Variants in FAM222B observed in about 807,000 individuals in gnomAD.
FAM222B encodes protein FAM222B.
FAM222B carries 12 observed loss-of-function variants against 38.0 expected under a neutral mutation model. That is an observed-to-expected ratio of 0.32 (90% CI 0.20 to 0.51). The LOEUF (loss-of-function observed/expected upper bound fraction) is 0.51. FAM222B is among the 20% of genes least tolerant of loss of function. The pLI is 0.97. For synonymous variants in FAM222B, 329 were observed against 317.2 expected, an observed-to-expected ratio of 1.04 and a Z score of -0.40; for missense variants, 716 against 754.2, an observed-to-expected ratio of 0.95 and a Z score of 0.59.
chr17:28,851,165 G>A (rs2039178618), intron 1 of FAM222B, among the ~76,000 whole-genome samples: 1 of 151,900 alleles, frequency 6.6e-6, no homozygotes, highest in African/African-American at 2.4e-5. Context: ...GCTAGGGGCA[G>A]TAACTCACAC....
intron 1 of FAM222B, among the ~76,000 whole-genome samples, chr17:28,803,016 T>A (rs1484022126): frequency 6.8e-6 from 1 of 146,230 alleles, no homozygotes; most frequent in Non-Finnish European, 1.5e-5. Flanking sequence ...TTGCTTTTTC[T>A]TTTTTTTTTT....
Position 28,758,481 on chromosome 17 carries a change from G to A in FAM222B, c.1478C>T (p.Ala493Val). The A allele has an allele frequency of 6.2e-7, 1 of 1,613,142 alleles. No homozygotes were observed. The highest frequency in any genetic ancestry group is 8.5e-7 in the Non-Finnish European group (1 of 1,179,756). Residue 493 changes from alanine to valine, a missense_variant, in exon 3 of 3, where the codon GCC (alanine) becomes GTC (valine). Ala to Val is a moderately conservative substitution (Grantham distance 64). Transcript: ENST00000581407. ...GCCCCCGGTCCCTGCTCGGTAGTGGGCCCCGGGAGCTGCCGCACAGTCGAG... is the reference window on the plus strand; with the variant it reads ...GCCCCCGGTCCCTGCTCGGTAGTGGACCCCGGGAGCTGCCGCACAGTCGAG... Reference protein sequence around the residue: ...APLDCAAAPGAHYRAGTGGGP... With the variant: ...APLDCAAAPGVHYRAGTGGGP...
At position 28,759,342 on chromosome 17, in the gene FAM222B, T is replaced by C; in HGVS notation, c.617A>G (p.Gln206Arg). The C allele has an allele frequency of 6.2e-7, 1 of 1,610,108 alleles. No homozygotes were observed. The highest frequency in any genetic ancestry group is 8.5e-7 in the Non-Finnish European group (1 of 1,178,544). ...LGHPQPMAQT[Q>R]GLVHPQALAH... The stretch of plus-strand genomic sequence containing the variant: ...CAGGGCCTGAGGGTGGACCAAGCCC[T>C]GGGTTTGGGCCATGGGCTGAGGGTG... The change falls in exon 3 of 3, where the codon CAG becomes CGG. Residue 206 changes from glutamine (Q) to arginine (R), a missense_variant. Coordinates refer to ENST00000581407, the MANE Select transcript of FAM222B (RefSeq NM_001077498.3). The surrounding 1 kb of genome is among the most constrained non-coding windows in gnomAD (Gnocchi z 4.8).
intron 1 of FAM222B, among the ~76,000 whole-genome samples, chr17:28,823,875 ATTT>A (rs367743538): frequency 5.2e-5 from 7 of 134,058 alleles, no homozygotes; most frequent in Admixed American, 7.8e-5. Context: ...CCAAAAGAGA[ATTT>A]TTTTTTTTTT....
At chr17:28,799,872 T>A (rs1040661848) in intron 1 of FAM222B, among the ~76,000 whole-genome samples, 2 of 152,044 alleles carry the variant, frequency 1.3e-5, no homozygotes, top group African/African-American at 4.8e-5. Flanking sequence ...CCTCCCAAAG[T>A]TCTAGGATTA....
chr17:28,758,435 G>A lies in FAM222B; in HGVS notation c.1524C>T (p.Asn508=). 6.2e-7 allele frequency: 1 copy of A among 1,613,962 alleles called. No homozygotes were observed. The highest frequency in any genetic ancestry group is 8.5e-7 in the Non-Finnish European group (1 of 1,179,878). The change falls in exon 3 of 3, where the codon AAC becomes AAT. Residue 508 remains asparagine, a synonymous_variant. Transcript: ENST00000581407. ...GGTAATCCACTGTTTGCATCAAGCT[G>A]TTCTGGCTTGCCACTGGACCGCCCC... ...GTGGGPVASQ[N]SLMQTVDYLS...
intron 1 of FAM222B, among the ~76,000 whole-genome samples, chr17:28,826,025 C>T (rs1345694408): frequency 6.6e-6 from 1 of 151,854 alleles, no homozygotes; most frequent in Non-Finnish European, 1.5e-5. Context: ...CTGCCCACCT[C>T]GGCCTCCCAA....
intron 1 of FAM222B, among the ~76,000 whole-genome samples, chr17:28,778,717 ATATTTTTTT>A (rs1241870126): frequency 5.5e-4 from 32 of 58,398 alleles, no homozygotes; most frequent in South Asian, 3.8e-3. Flanking sequence ...ATATATATAT[ATATTTTTTT>A]TTTTTTTTTT....
intron 1 of FAM222B, among the ~76,000 whole-genome samples, chr17:28,795,400 C>G (rs1394432153): frequency 6.6e-6 from 1 of 152,150 alleles, no homozygotes; most frequent in Non-Finnish European, 1.5e-5. Flanking sequence ...CTGCTTCGGC[C>G]TCCCAAACTG....
intron 2 of FAM222B, among the ~76,000 whole-genome samples, chr17:28,765,173 G>A (rs2035270398): frequency 6.6e-6 from 1 of 152,194 alleles, no homozygotes; most frequent in Non-Finnish European, 1.5e-5. Flanking sequence ...CCAAATTCCA[G>A]AACTAGCCAG....
chr17:28,757,872 A>C lies in FAM222B; in HGVS notation c.*398T>G. On this transcript the variant is annotated 3_prime_UTR_variant, in exon 3 of 3. Transcript: ENST00000581407. ...GAGGGGAAGGGGGGTAGCAACAGGT[A>C]GAGGTCTGGATTAGGGGCCTGAGCA... 1 of 162,720 alleles carries C rather than the reference A, an allele frequency of 6.1e-6. No homozygotes were observed. Among genetic ancestry groups the C allele is most frequent in the East Asian group, 1.8e-4 (1 of 5,548 alleles). The allele number at this position is 162,720 out of a possible 1,614,324, so 10.1% of individuals were successfully genotyped here.
At chr17:28,850,759 T>C (rs965298977) in intron 1 of FAM222B, among the ~76,000 whole-genome samples, 1 of 152,172 alleles carries the variant, frequency 6.6e-6, no homozygotes, top group Non-Finnish European at 1.5e-5. Context: ...ATTGTGGTTC[T>C]AGAAACTTCT....
intron 1 of FAM222B, among the ~76,000 whole-genome samples, chr17:28,808,240 G>A (rs1399418924): frequency 6.6e-6 from 1 of 152,142 alleles, no homozygotes; most frequent in African/African-American, 2.4e-5. Flanking sequence ...GTGTCTTAAC[G>A]TTGGAAAGCA....
chr17:28,836,963 C>T (rs977144701), intron 1 of FAM222B, among the ~76,000 whole-genome samples: 1 of 151,946 alleles, frequency 6.6e-6, no homozygotes, highest in African/African-American at 2.4e-5. Flanking sequence ...ACTAAAAGTA[C>T]AAAAATTAGC....
intron 1 of FAM222B, among the ~76,000 whole-genome samples, chr17:28,799,684 T>C (rs1597956543): frequency 6.6e-6 from 1 of 152,172 alleles, no homozygotes; most frequent in Non-Finnish European, 1.5e-5. Flanking sequence ...TATAGCTCAC[T>C]GCAGCCTCAA....
At chr17:28,806,296 CTG>C (rs995672820) in intron 1 of FAM222B, among the ~76,000 whole-genome samples, 2 of 152,080 alleles carry the variant, frequency 1.3e-5, no homozygotes, top group African/African-American at 2.4e-5. Context: ...TTTTTGGTCT[CTG>C]TGAATCTAAG....
intron 1 of FAM222B, among the ~76,000 whole-genome samples, chr17:28,773,423 GAGCTT>G (rs1301199725): frequency 7.3e-6 from 1 of 136,716 alleles, no homozygotes. Context: ...AGGTTGCAAT[GAGCTT>G]AGATCACATC....
chr17:28,758,229 G>T lies in FAM222B; in HGVS notation c.*41C>A. On this transcript the variant is annotated 3_prime_UTR_variant, in exon 3 of 3. Coordinates refer to ENST00000581407, the MANE Select transcript of FAM222B (RefSeq NM_001077498.3). ...TACTTAAAAGACTAAACCTAGGAGG[G>T]TGATGTATGATGTGTTGCACGTGGA... 1 of 1,456,030 alleles carries T rather than the reference G, an allele frequency of 6.9e-7. No individual in the cohort carries two copies. The highest frequency in any genetic ancestry group is 9.3e-7 in the Non-Finnish European group (1 of 1,075,130). 90.2% of individuals were successfully genotyped at this position (1,456,030 alleles called of 1,614,324 possible). A position where few individuals can be genotyped will look rare whatever the true frequency, so the allele number is the denominator to read the frequency against.
At chr17:28,845,556 C>A (rs1454384100), upstream of FAM222B, among the ~76,000 whole-genome samples, 1 of 146,152 alleles carries the variant, frequency 6.8e-6, no homozygotes, top group Non-Finnish European at 1.5e-5. Context: ...CCAGCCTTGG[C>A]GACAGAGCGA....
Sources: gnomAD v4.1 joint callset for allele counts (sites outside exome capture counted in the v4.1 genomes callset) on GRCh38, gnomAD v4.1.1 for gene constraint, Gnocchi (gnomAD v3.1) non-coding constraint, MANE v1.5 for transcripts, NCBI Gene and HGNC (gene_info 2026-07-23, HGNC 2026-07-21) for gene names.